CSMD1: variants seen among roughly 807,000 people sequenced by gnomAD.
The protein encoded by CSMD1 is CUB and Sushi multiple domains 1.
In CSMD1, 213 loss-of-function variants were observed where a neutral mutation model predicts 417.5. The ratio of observed to expected loss-of-function variants is 0.51; its 90% CI spans 0.46 to 0.57. The LOEUF (loss-of-function observed/expected upper bound fraction) is 0.57. Ranked by LOEUF, CSMD1 falls within the 20% of genes least tolerant of loss-of-function variation. The pLI is 0.00. For missense variants in CSMD1, 6,923 were observed against 4,529.7 expected, an observed-to-expected ratio of 1.53 and a Z score of -15.17; for synonymous variants, 2,862 against 1,736.8, an observed-to-expected ratio of 1.65 and a Z score of -16.11.
intron 3 of CSMD1, among the ~76,000 whole-genome samples, chr8:4,239,997 A>C (rs1714689): frequency 0.48 from 73,311 of 152,096 alleles, 18,150 homozygotes; most frequent in Middle Eastern, 0.64. Flanking sequence ...AAAATACATA[A>C]GGCGTGTTCT....
chr8:4,859,353 T>C (rs1206589529), intron 1 of CSMD1, among the ~76,000 whole-genome samples: 2 of 152,176 alleles, frequency 1.3e-5, no homozygotes, highest in East Asian at 3.9e-4. Context: ...GACATAGGCA[T>C]GGGCAAGGAC....
At chr8:4,293,992 T>C (rs930802281) in intron 3 of CSMD1, among the ~76,000 whole-genome samples, 4 of 152,166 alleles carry the variant, frequency 2.6e-5, no homozygotes, top group Non-Finnish European at 4.4e-5. Flanking sequence ...TACCAAATAG[T>C]GTGTATAAAA....
intron 2 of CSMD1, among the ~76,000 whole-genome samples, chr8:4,601,710 A>G (rs1176896816): frequency 3.3e-5 from 5 of 152,154 alleles, no homozygotes; most frequent in Non-Finnish European, 7.3e-5. Flanking sequence ...ATCTCCACTC[A>G]CGGCATTATG....
At chr8:3,460,146 G>A (rs921729443) in intron 12 of CSMD1, among the ~76,000 whole-genome samples, 1 of 152,164 alleles carries the variant, frequency 6.6e-6, no homozygotes, top group Admixed American at 6.5e-5. Flanking sequence ...ATAGGATTGT[G>A]TAGCAGCAAA....
intron 23 of CSMD1, among the ~76,000 whole-genome samples, chr8:3,339,395 G>A (rs1807494827): frequency 6.6e-6 from 1 of 152,052 alleles, no homozygotes; most frequent in African/African-American, 2.4e-5. Context: ...CAAGGGTAGG[G>A]GGGTTGCCTT....
At chr8:4,446,426 T>C (rs1051561586) in intron 2 of CSMD1, among the ~76,000 whole-genome samples, 1 of 152,096 alleles carries the variant, frequency 6.6e-6, no homozygotes, top group African/African-American at 2.4e-5. Flanking sequence ...TGCACACCTG[T>C]AGTCCCCGCT....
At chr8:4,215,220 G>C (rs989086053) in intron 3 of CSMD1, among the ~76,000 whole-genome samples, 2 of 152,168 alleles carry the variant, frequency 1.3e-5, no homozygotes, top group African/African-American at 2.4e-5. Context: ...CGACCTCTAG[G>C]TAGAAATTCT....
At chr8:4,549,715 C>A (rs1585236031) in intron 2 of CSMD1, among the ~76,000 whole-genome samples, 1 of 151,608 alleles carries the variant, frequency 6.6e-6, no homozygotes, top group Admixed American at 6.6e-5. Flanking sequence ...ATGGCAAAAC[C>A]CCGTCTCTAC....
At chr8:4,184,653 G>C (rs932367509) in intron 3 of CSMD1, among the ~76,000 whole-genome samples, 4 of 152,088 alleles carry the variant, frequency 2.6e-5, no homozygotes, top group Non-Finnish European at 4.4e-5. Context: ...GGAGCTAAAG[G>C]AAGACAGATG....
At chr8:4,413,171 A>T (rs1796741554) in intron 3 of CSMD1, among the ~76,000 whole-genome samples, 1 of 152,216 alleles carries the variant, frequency 6.6e-6, no homozygotes, top group Non-Finnish European at 1.5e-5. Flanking sequence ...AATCAGAGTT[A>T]ACACCTTAAA....
At chr8:3,606,975 G>T (rs943539167) in intron 8 of CSMD1, among the ~76,000 whole-genome samples, 1 of 152,114 alleles carries the variant, frequency 6.6e-6, no homozygotes, top group African/African-American at 2.4e-5. Context: ...CTCCCAAAGT[G>T]CTGGCATTAC....
At chr8:3,921,101 G>C (rs1384989281) in intron 5 of CSMD1, among the ~76,000 whole-genome samples, 56 of 152,076 alleles carry the variant, frequency 3.7e-4, no homozygotes, top group Non-Finnish European at 4.6e-4. Flanking sequence ...CTATTTATGG[G>C]TTTTCTTTGA....
At chr8:3,115,007 G>C (rs1169697578) in intron 42 of CSMD1, among the ~76,000 whole-genome samples, 1 of 152,084 alleles carries the variant, frequency 6.6e-6, no homozygotes, top group South Asian at 2.1e-4. Flanking sequence ...TAGTGTTTAA[G>C]ATTTATTTAA....
At chr8:3,976,519 T>C (rs1813447531) in intron 5 of CSMD1, among the ~76,000 whole-genome samples, 1 of 152,126 alleles carries the variant, frequency 6.6e-6, no homozygotes, top group Admixed American at 6.6e-5. Flanking sequence ...TGTTGAATAG[T>C]CAAATATAAT....
intron 3 of CSMD1, among the ~76,000 whole-genome samples, chr8:4,317,785 T>C (rs1219211183): frequency 6.6e-6 from 1 of 152,190 alleles, no homozygotes; most frequent in Non-Finnish European, 1.5e-5. Flanking sequence ...TTTTCTTTTA[T>C]ATAGTAAAGT....
chr8:4,083,721 C>T (rs894678303), intron 3 of CSMD1, among the ~76,000 whole-genome samples: 2 of 152,102 alleles, frequency 1.3e-5, no homozygotes, highest in Non-Finnish European at 2.9e-5. Context: ...AACGTTAGAC[C>T]TAAAGCCATA....
rs1271224540 is a variant in CSMD1, at chr8:2,962,639, G to A, written c.9455C>T (p.Pro3152Leu). 49 of 1,612,706 alleles carry A rather than the reference G, an allele frequency of 3.0e-5. 1 individual carries two copies. In the Admixed American group the frequency reaches 8.0e-4, roughly 26 times the overall value. ...VWKGEIPQCLPVFCGDPGIPA... is the reference protein window; with the variant it reads ...VWKGEIPQCLLVFCGDPGIPA... ...GATGCCAGGGTCTCCGCAGAACACAGCTATGGAAGATAACCAGGAAGAAGT... is the reference window on the plus strand; with the variant it reads ...GATGCCAGGGTCTCCGCAGAACACAACTATGGAAGATAACCAGGAAGAAGT... Residue 3152 changes from proline (P) to leucine (L), a missense_variant and splice_region_variant, in exon 61 of 70, where the codon CCT becomes CTT. Coordinates refer to ENST00000635120, the MANE Select transcript of CSMD1 (RefSeq NM_033225.6).
At chr8:4,409,776 TATC>T (rs370302376) in intron 3 of CSMD1, among the ~76,000 whole-genome samples, 53 of 151,778 alleles carry the variant, frequency 3.5e-4, no homozygotes, top group African/African-American at 1.2e-3. Context: ...GAGAATGTAA[TATC>T]ATACATAATT....
chr8:4,963,353 C>G (rs1038758932), intron 1 of CSMD1, among the ~76,000 whole-genome samples: 21 of 152,094 alleles, frequency 1.4e-4, no homozygotes, highest in African/African-American at 4.6e-4. Context: ...TCACACACCA[C>G]CCTGCCCAGC....
Sources: gnomAD v4.1 joint callset for allele counts (sites outside exome capture counted in the v4.1 genomes callset) on GRCh38, gnomAD v4.1.1 for gene constraint, MANE v1.5 for transcripts, NCBI Gene and HGNC (gene_info 2026-07-23, HGNC 2026-07-21) for gene names.